The following FRMPD1 variants were observed in gnomAD, a reference collection of about 807,000 sequenced individuals.
The protein encoded by FRMPD1 is FERM and PDZ domain-containing protein 1.
A neutral mutation model predicts 117.8 loss-of-function variants in FRMPD1; 76 were observed. The ratio of observed to expected loss-of-function variants is 0.65; its 90% CI spans 0.54 to 0.78. The LOEUF (loss-of-function observed/expected upper bound fraction) is 0.78. Ranked by LOEUF, FRMPD1 falls within the 30% of genes least tolerant of loss-of-function variation. The pLI is 0.00. For missense variants in FRMPD1, 1,786 were observed against 1,964.5 expected, an observed-to-expected ratio of 0.91 and a Z score of 1.72; for synonymous variants, 783 against 770.4, an observed-to-expected ratio of 1.02 and a Z score of -0.27.
intron 1 of FRMPD1, among the ~76,000 whole-genome samples, chr9:37,685,833 G>T (rs932373016): frequency 1.3e-5 from 2 of 152,134 alleles, no homozygotes; most frequent in African/African-American, 4.8e-5. Context: ...GTGATTTTGG[G>T]CACTTTAGTT....
intron 1 of FRMPD1, among the ~76,000 whole-genome samples, chr9:37,691,419 G>A (rs1430363279): frequency 6.6e-6 from 1 of 152,150 alleles, no homozygotes; most frequent in African/African-American, 2.4e-5. Flanking sequence ...TGAAAAACTG[G>A]TAAAATTTGA....
rs186834534 is a variant in FRMPD1 at position 37,686,803 on chromosome 9, G to A, written c.-4-5835G>A. Reference sequence around the variant, plus strand: ...AAGGCTCGATGGCCTTCAGTCCTATGGATATGTTCGAGATCCCTGACAACT... The same window carrying A: ...AAGGCTCGATGGCCTTCAGTCCTATAGATATGTTCGAGATCCCTGACAACT... On this transcript the variant is annotated intron_variant, in intron 1 of 15. Transcript: ENST00000377765. Among the ~76,000 whole-genome samples the A allele has an allele frequency of 3.1e-3, 473 of 152,308 alleles. 3 individuals are homozygous for A. The highest frequency in any genetic ancestry group is 6.4e-3 in the South Asian group (31 of 4,828).
intron 6 of FRMPD1, among the ~76,000 whole-genome samples, chr9:37,723,732 C>T (rs935239147): frequency 6.6e-6 from 1 of 152,148 alleles, no homozygotes; most frequent in African/African-American, 2.4e-5. Context: ...GTGGCTTAGG[C>T]CTGTAATCCC....
the FRMPD1 span, among the ~76,000 whole-genome samples, chr9:37,613,308 CAG>C: frequency 8.5e-5 from 13 of 152,146 alleles, no homozygotes; most frequent in African/African-American, 1.2e-4. Flanking sequence ...GCAGATACAA[CAG>C]ATAACAAAAT....
chr9:37,698,082 C>T (rs904409874), intron 2 of FRMPD1, among the ~76,000 whole-genome samples: 26 of 152,132 alleles, frequency 1.7e-4, no homozygotes, highest in African/African-American at 6.0e-4. Context: ...CCACTGCACT[C>T]CAGCCTGGGC....
intron 1 of FRMPD1, among the ~76,000 whole-genome samples, chr9:37,685,470 T>C (rs7857067): frequency 0.88 from 132,839 of 151,384 alleles, 58,584 homozygotes; most frequent in East Asian, 0.95. Flanking sequence ...GGTGAAACCC[T>C]GTCTCTACTA....
chr9:37,608,570 T>C, the FRMPD1 span, among the ~76,000 whole-genome samples: 2 of 152,042 alleles, frequency 1.3e-5, no homozygotes, highest in Non-Finnish European at 1.5e-5. Context: ...CTTGAACTCC[T>C]GGGCTCAAGT....
intron 1 of FRMPD1, among the ~76,000 whole-genome samples, chr9:37,673,566 A>T (rs1012072607): frequency 6.6e-6 from 1 of 152,174 alleles, no homozygotes; most frequent in African/African-American, 2.4e-5. Flanking sequence ...GGGACTGTGT[A>T]TGGGGGCTCC....
chr9:37,708,966 T>A (rs1443524654), intron 4 of FRMPD1, among the ~76,000 whole-genome samples: 1 of 152,212 alleles, frequency 6.6e-6, no homozygotes, highest in East Asian at 1.9e-4. Flanking sequence ...GTTTCATTGA[T>A]GTAGCACCTC....
At chr9:37,680,703 C>T (rs16934372) in intron 1 of FRMPD1, among the ~76,000 whole-genome samples, 3,907 of 152,206 alleles carry the variant, frequency 0.026, 73 homozygotes, top group Non-Finnish European at 0.043. Flanking sequence ...AACTTCTTGA[C>T]GTGAATGAAA....
chr9:37,606,830 G>C, the FRMPD1 span, among the ~76,000 whole-genome samples: 1 of 152,170 alleles, frequency 6.6e-6, no homozygotes, highest in Non-Finnish European at 1.5e-5. Flanking sequence ...CAGCCAGAGA[G>C]AGGCTGGAGT....
Position 37,708,483 on chromosome 9 carries a change from G to A in FRMPD1, c.344G>A (p.Arg115Gln), listed in dbSNP as rs372023881. ...NEPAEDLSWE[R>Q]AVDILREAED... ...CCTGCTGAAGACCTTTCCTGGGAAC[G>A]AGCAGTCGATATTCTCAGGTACTAA... Residue 115 changes from arginine (R) to glutamine (Q), a missense_variant, in exon 4 of 16, where the codon CGA becomes CAA. By Grantham distance (43) the Arg-to-Gln change is conservative. Coordinates refer to ENST00000377765, the MANE Select transcript of FRMPD1 (RefSeq NM_014907.3). 29 of 1,600,674 alleles carry A rather than the reference G, an allele frequency of 1.8e-5. No individual in the cohort carries two copies. Among genetic ancestry groups the A allele is most frequent in the African/African-American group, 2.7e-5 (2 of 74,696 alleles).
At chr9:37,638,537 G>A in the FRMPD1 span, among the ~76,000 whole-genome samples, 1 of 152,184 alleles carries the variant, frequency 6.6e-6, no homozygotes, top group Non-Finnish European at 1.5e-5. Flanking sequence ...AATCTTTGCT[G>A]TATTAAACAA....
chr9:37,692,612 C>A (rs900128739), intron 1 of FRMPD1, 26 bp from the exon 2 acceptor site: 1 of 1,458,918 alleles, frequency 6.9e-7, no homozygotes, highest in Non-Finnish European at 9.6e-7. Context: ...TGGTTAGCAT[C>A]TTAAGAACAC....
At chr9:37,717,742 A>G (rs1823213844) in intron 5 of FRMPD1, among the ~76,000 whole-genome samples, 1 of 151,964 alleles carries the variant, frequency 6.6e-6, no homozygotes, top group African/African-American at 2.4e-5. Flanking sequence ...CTCCATGTTC[A>G]TTTTCCGGAA....
At chr9:37,689,591 C>G (rs909095121) in intron 1 of FRMPD1, among the ~76,000 whole-genome samples, 1 of 152,128 alleles carries the variant, frequency 6.6e-6, no homozygotes, top group South Asian at 2.1e-4. Context: ...CACAGTCATC[C>G]GTGATGCTTA....
chr9:37,626,050 G>A, the FRMPD1 span, among the ~76,000 whole-genome samples: 1 of 152,056 alleles, frequency 6.6e-6, no homozygotes, highest in Admixed American at 6.6e-5. Flanking sequence ...AACATGGCTG[G>A]GCGCGGTGGC....
At chr9:37,679,973 G>A (rs774761709) in intron 1 of FRMPD1, among the ~76,000 whole-genome samples, 9 of 152,182 alleles carry the variant, frequency 5.9e-5, no homozygotes, top group African/African-American at 1.2e-4. Context: ...ATTGGTGTTC[G>A]TTTCAGCCCT....
At chr9:37,704,942 ATCC>A (rs1159104039) in intron 2 of FRMPD1, among the ~76,000 whole-genome samples, 3 of 152,034 alleles carry the variant, frequency 2.0e-5, no homozygotes, top group African/African-American at 7.2e-5. Context: ...CTTTAAATAA[ATCC>A]TTCTTCCCCT....
Sources: allele counts gnomAD v4.1 joint callset (sites outside exome capture counted in the v4.1 genomes callset), GRCh38; gene constraint gnomAD v4.1.1; transcripts MANE v1.5; gene names NCBI Gene and HGNC (gene_info 2026-07-23, HGNC 2026-07-21).